Variants in TAF1B observed in about 807,000 individuals in gnomAD.
TAF1B encodes TATA box-binding protein-associated factor RNA polymerase I subunit B.
Under a neutral mutation model 83.9 loss-of-function variants are expected in TAF1B, and 61 were observed. The observed-to-expected ratio is 0.73, with a 90% CI of 0.59 to 0.90. The LOEUF (loss-of-function observed/expected upper bound fraction) is 0.90, where lower values mean the gene tolerates loss of function less well. Among genes scored for constraint, TAF1B ranks in the 40% least tolerant of loss-of-function variants. The probability of loss-of-function intolerance (pLI) is 0.00; values close to 1 mark genes in which losing one functional copy is unlikely to be tolerated. For missense variants in TAF1B, 625 were observed against 677.0 expected (o/e 0.92, Z 0.85); for synonymous variants, 221 against 224.6 (o/e 0.98, Z 0.14).
intron 8 of TAF1B, among the ~76,000 whole-genome samples, chr2:9,893,110 T>C (rs571761132): frequency 5.9e-5 from 9 of 152,342 alleles, no homozygotes; most frequent in African/African-American, 1.9e-4. Context: ...TATTTTGGAA[T>C]AATTTTAGAT....
At chr2:9,881,008 T>C (rs1664486845) in intron 7 of TAF1B, among the ~76,000 whole-genome samples, 1 of 152,110 alleles carries the variant, frequency 6.6e-6, no homozygotes, top group South Asian at 2.1e-4. Context: ...CAACTTTCAG[T>C]AGAGTAAAAA....
intron 7 of TAF1B, among the ~76,000 whole-genome samples, 190 bp from the exon 8 acceptor site, chr2:9,882,516 T>A (rs1664541604): frequency 6.6e-6 from 1 of 152,232 alleles, no homozygotes; most frequent in South Asian, 2.1e-4. Context: ...AGTAATTGGC[T>A]AAATAGGCCA....
chr2:9,874,590 G>A (rs1178026530), intron 6 of TAF1B, among the ~76,000 whole-genome samples: 2 of 151,956 alleles, frequency 1.3e-5, no homozygotes, highest in Non-Finnish European at 2.9e-5. Flanking sequence ...TGTATTTCTT[G>A]TTTGTTTGTT....
chr2:9,856,692 C>A (rs1663576499), intron 5 of TAF1B, among the ~76,000 whole-genome samples: 1 of 151,932 alleles, frequency 6.6e-6, no homozygotes, highest in Non-Finnish European at 1.5e-5. Context: ...TTTGGGTTAA[C>A]TTAAGTTTTT....
intron 9 of TAF1B, among the ~76,000 whole-genome samples, chr2:9,910,318 TAGTTAAAC>T (rs1484017644): frequency 6.6e-6 from 1 of 152,188 alleles, no homozygotes; most frequent in Non-Finnish European, 1.5e-5. Flanking sequence ...GCAATATATC[TAGTTAAAC>T]AGTTGTTGAG....
In TAF1B at chr2:9,915,987, T is replaced by A. The variant is rs80257797; in HGVS notation, c.1271+2738T>A. On this transcript the variant is annotated intron_variant, in intron 12 of 14. Transcript: ENST00000263663. ...AAGACTCAAAAGGTTACTTATGCTA[T>A]GATTCCATTTATATGACATTCTGGA... is the stretch of plus-strand genomic sequence containing the variant. Among the ~76,000 whole-genome samples, 891 of 152,370 alleles carry A rather than the reference T, an allele frequency of 5.8e-3. 12 individuals are homozygous for A. Among genetic ancestry groups the A allele is most frequent in the African/African-American group, 0.02 (827 of 41,582 alleles).
intron 14 of TAF1B, among the ~76,000 whole-genome samples, chr2:9,924,629 GTAA>G (rs1483406525): frequency 6.6e-6 from 1 of 152,182 alleles, no homozygotes; most frequent in African/African-American, 2.4e-5. Context: ...ACAGGCAACT[GTAA>G]TAATATCATT....
intron 5 of TAF1B, among the ~76,000 whole-genome samples, chr2:9,865,001 C>A (rs1663923059): frequency 6.6e-6 from 1 of 152,144 alleles, no homozygotes; most frequent in Non-Finnish European, 1.5e-5. Context: ...TGGACAAAAA[C>A]TGGAAGCATT....
chr2:9,873,964 T>A (rs941420004), intron 6 of TAF1B, among the ~76,000 whole-genome samples: 3 of 152,092 alleles, frequency 2.0e-5, no homozygotes, highest in Non-Finnish European at 2.9e-5. Context: ...GCTTCCATGT[T>A]TTAAAACTCT....
chr2:9,852,086 C>G (rs140827635), intron 4 of TAF1B: 1 of 466,730 alleles, frequency 2.1e-6, no homozygotes, highest in Admixed American at 2.4e-5. Flanking sequence ...CTAAACCAGT[C>G]GTTCACCTGA....
At chr2:9,844,627 C>T (rs1274486033) in intron 1 of TAF1B, 1 of 152,244 alleles carries the variant, frequency 6.6e-6, no homozygotes, top group African/African-American at 2.4e-5. Context: ...GGTTGGCTAA[C>T]TTCTGTAAAT....
At chr2:9,862,782 C>A (rs1210745797) in intron 5 of TAF1B, among the ~76,000 whole-genome samples, 4 of 152,122 alleles carry the variant, frequency 2.6e-5, no homozygotes, top group Admixed American at 6.6e-5. Flanking sequence ...AGAGTGGGGG[C>A]CAATATTCAA....
At chr2:9,852,070 G>C (rs566856158) in intron 4 of TAF1B, 2 of 470,558 alleles carry the variant, frequency 4.3e-6, no homozygotes, top group African/African-American at 4.0e-5. Context: ...TTTGGACAGC[G>C]ATATGCTAAA....
chr2:9,861,818 T>C (rs978018065), intron 5 of TAF1B, among the ~76,000 whole-genome samples: 4 of 152,230 alleles, frequency 2.6e-5, no homozygotes, highest in Non-Finnish European at 5.9e-5. Context: ...CCACTGCTGC[T>C]GATACCCAGG....
At chr2:9,889,362 G>T (rs959111813) in intron 8 of TAF1B, among the ~76,000 whole-genome samples, 22 of 151,914 alleles carry the variant, frequency 1.4e-4, no homozygotes, top group African/African-American at 4.8e-4. Flanking sequence ...CTTTACTTGA[G>T]TATCTTCTAA....
intron 14 of TAF1B, among the ~76,000 whole-genome samples, chr2:9,927,976 C>G (rs1046324984): frequency 2.9e-4 from 44 of 152,038 alleles, no homozygotes; most frequent in African/African-American, 8.9e-4. Context: ...AGGTTTTCTT[C>G]TAGGGTTTTT....
chr2:9,844,850 G>A (rs977470757), intron 1 of TAF1B, among the ~76,000 whole-genome samples: 1 of 152,162 alleles, frequency 6.6e-6, no homozygotes, highest in African/African-American at 2.4e-5. Context: ...TGCGCTTTTA[G>A]TGTCCTGGAG....
In TAF1B at chr2:9,888,799, T is replaced by TTTG. The variant is rs1202731271; in HGVS notation, c.807+5996_807+5997insGTT. 1.4e-3 allele frequency among the ~76,000 whole-genome samples: 200 copies of TTTG among 139,600 alleles called. 9 individuals carry two copies. The highest frequency in any genetic ancestry group is 1.6e-3 in the Non-Finnish European group (101 of 64,642). 91.6% of individuals were successfully genotyped at this position (139,600 alleles called of 152,430 possible). A position where few individuals can be genotyped will look rare whatever the true frequency, so the allele number is the denominator to read the frequency against. ...ATGTTTCTTCTGCTTGGTTTTTTTT[T>TTTG]TTTTTTTTTTTTTTTTTTTTTAAGA... On this transcript the variant is annotated intron_variant, in intron 8 of 14. Transcript: ENST00000263663.
intron 12 of TAF1B, among the ~76,000 whole-genome samples, chr2:9,917,933 G>C (rs546983402): frequency 3.3e-5 from 5 of 151,418 alleles, no homozygotes; most frequent in Non-Finnish European, 7.4e-5. Context: ...TTAGCCGGGC[G>C]TAGTGGCGGG....
Sources: gnomAD v4.1 joint callset for allele counts (sites outside exome capture counted in the v4.1 genomes callset) on GRCh38, gnomAD v4.1.1 for gene constraint, MANE v1.5 for transcripts, NCBI Gene and HGNC (gene_info 2026-07-23, HGNC 2026-07-21) for gene names.